AOPEP: variants seen among roughly 807,000 people sequenced by gnomAD.
AOPEP encodes the protein aminopeptidase O.
In AOPEP, 77 loss-of-function variants were observed where a neutral mutation model predicts 98.1. The ratio of observed to expected loss-of-function variants is 0.78; its 90% confidence interval spans 0.65 to 0.95. The LOEUF (loss-of-function observed/expected upper bound fraction) is 0.95, where lower values mean the gene tolerates loss of function less well. AOPEP is among the 40% of genes least tolerant of loss of function. The pLI, the probability that AOPEP is intolerant of heterozygous loss-of-function variation, is 0.00. For synonymous variants in AOPEP, 346 were observed against 365.3 expected, an observed-to-expected ratio of 0.95 and a Z score of 0.60; for missense variants, 1,024 against 1,024.7, an observed-to-expected ratio of 1.00 and a Z score of 0.01.
At chr9:94,877,242 G>A (rs1204963933) in intron 5 of AOPEP, among the ~76,000 whole-genome samples, 1 of 152,072 alleles carries the variant, frequency 6.6e-6, no homozygotes, top group African/African-American at 2.4e-5. Context: ...CATGGGGATT[G>A]GAAAAGAGGG....
At chr9:95,103,556 T>C in the AOPEP span, among the ~76,000 whole-genome samples, 3 of 152,278 alleles carry the variant, frequency 2.0e-5, no homozygotes, top group South Asian at 6.2e-4. Context: ...GCCGGCCTCC[T>C]GCAGGCACAA....
At chr9:95,131,888 C>T in the AOPEP span, among the ~76,000 whole-genome samples, 1 of 152,028 alleles carries the variant, frequency 6.6e-6, no homozygotes, top group Non-Finnish European at 1.5e-5. Flanking sequence ...CAATTGCTAC[C>T]TGGAGAATGA....
chr9:94,820,092 C>T (rs2134167281), intron 5 of AOPEP, among the ~76,000 whole-genome samples: 1 of 151,868 alleles, frequency 6.6e-6, no homozygotes, highest in South Asian at 2.1e-4. Context: ...ATTACAGGTG[C>T]CCACCACCAC....
chr9:95,034,828 G>A (rs554461932), intron 13 of AOPEP, among the ~76,000 whole-genome samples: 1 of 152,302 alleles, frequency 6.6e-6, no homozygotes, highest in Admixed American at 6.5e-5. Flanking sequence ...CTTGAGAAGC[G>A]GGCCTTGCTG....
chr9:94,882,938 A>C (rs73538140), intron 5 of AOPEP, among the ~76,000 whole-genome samples: 1,787 of 152,320 alleles, frequency 0.012, 36 homozygotes, highest in African/African-American at 0.041. Flanking sequence ...CTCAGAAGCT[A>C]CAGTCTCTGA....
At chr9:94,924,765 C>A (rs1488696157) in intron 6 of AOPEP, among the ~76,000 whole-genome samples, 2 of 152,092 alleles carry the variant, frequency 1.3e-5, no homozygotes, top group Non-Finnish European at 2.9e-5. Context: ...GGAAGGAGGG[C>A]TCAATATAAC....
chr9:95,040,433 C>T (rs1587738703), intron 13 of AOPEP, among the ~76,000 whole-genome samples: 2 of 152,364 alleles, frequency 1.3e-5, no homozygotes, highest in Non-Finnish European at 1.5e-5. Flanking sequence ...CCAAGTTCAT[C>T]TTCCCACCTT....
At chr9:94,850,133 C>G (rs1399209544) in intron 5 of AOPEP, among the ~76,000 whole-genome samples, 1 of 152,110 alleles carries the variant, frequency 6.6e-6, no homozygotes, top group East Asian at 1.9e-4. Context: ...ACCTGCTGTG[C>G]AGCCTGGTTC....
At chr9:94,998,453 G>A (rs1234474680) in intron 11 of AOPEP, among the ~76,000 whole-genome samples, 1 of 152,154 alleles carries the variant, frequency 6.6e-6, no homozygotes, top group Non-Finnish European at 1.5e-5. Flanking sequence ...CTCTCTGGTA[G>A]GGGTGCTTCA....
intron 11 of AOPEP, among the ~76,000 whole-genome samples, chr9:94,984,235 G>A (rs370370832): frequency 2.6e-5 from 4 of 152,068 alleles, no homozygotes; most frequent in South Asian, 2.1e-4. Context: ...GGGTTTCACC[G>A]TGTTAGGATG....
intron 13 of AOPEP, among the ~76,000 whole-genome samples, chr9:95,059,889 C>T (rs780801095): frequency 1.3e-5 from 2 of 152,178 alleles, no homozygotes; most frequent in African/African-American, 4.8e-5. Context: ...ACTACAGGGC[C>T]GATCTCACAG....
chr9:95,134,857 A>G, the AOPEP span, among the ~76,000 whole-genome samples: 1 of 152,236 alleles, frequency 6.6e-6, no homozygotes. Context: ...GGGGAGGGTG[A>G]AGGCAGGTGG....
chr9:94,726,907 C>G (rs963490322), intron 1 of AOPEP, among the ~76,000 whole-genome samples, 156 bp downstream of exon 1: 3 of 152,228 alleles, frequency 2.0e-5, no homozygotes, highest in African/African-American at 7.2e-5. Flanking sequence ...CTCCTCAGTT[C>G]TCCCAGACTC....
At chr9:94,932,692 C>T (rs1226890472) in intron 7 of AOPEP, 2 of 456,622 alleles carry the variant, frequency 4.4e-6, no homozygotes, top group African/African-American at 4.3e-5. Context: ...CCATGTTGGC[C>T]AGGCTGGTCT....
chr9:95,005,766 A>G (rs2061964778), intron 13 of AOPEP, 150 bp downstream of exon 13: 1 of 669,864 alleles, frequency 1.5e-6, no homozygotes, highest in African/African-American at 1.8e-5. Flanking sequence ...AATTCTACAG[A>G]AATATTGGTC....
chr9:94,926,720 G>T (rs1449517905), intron 6 of AOPEP, among the ~76,000 whole-genome samples: 3 of 151,908 alleles, frequency 2.0e-5, no homozygotes, highest in Admixed American at 1.3e-4. Context: ...AGGATACAGG[G>T]TGACAGGGGT....
At chr9:94,752,629 T>G (rs1836086646) in intron 1 of AOPEP, among the ~76,000 whole-genome samples, 1 of 152,210 alleles carries the variant, frequency 6.6e-6, no homozygotes, top group Non-Finnish European at 1.5e-5. Context: ...ACCCATGGAC[T>G]CCTCCTAAAA....
chr9:95,138,161 C>A, the AOPEP span, among the ~76,000 whole-genome samples: 14 of 152,334 alleles, frequency 9.2e-5, no homozygotes, highest in Non-Finnish European at 1.8e-4. Context: ...AAGAGGCAGC[C>A]GAGGTCAGAG....
chr9:94,855,478 C>T lies in AOPEP; in HGVS notation c.1364+54476C>T, dbSNP rs1490489569. On this transcript the variant is annotated intron_variant, in intron 5 of 16. Transcript: ENST00000375315. ...CTGAGGCGGGCGGATCACCTGAGGT[C>T]GGGAGTTCGAGACCAGCCTGACCAA... is the stretch of plus-strand genomic sequence containing the variant. Among the ~76,000 whole-genome samples, 12 of 151,306 alleles carry T rather than the reference C, an allele frequency of 7.9e-5. No homozygotes were observed. In the East Asian group the frequency reaches 8.1e-4, roughly 10 times the overall value.
Sources: allele counts gnomAD v4.1 joint callset (sites outside exome capture counted in the v4.1 genomes callset), GRCh38; gene constraint gnomAD v4.1.1; transcripts MANE v1.5; gene names NCBI Gene and HGNC (gene_info 2026-07-23, HGNC 2026-07-21).